The following INPP4A variants were observed in gnomAD, a reference collection of about 807,000 sequenced individuals.
The protein encoded by INPP4A is inositol polyphosphate-4-phosphatase type I A, also known as inositol polyphosphate-4-phosphatase, type I, 107kD.
In INPP4A, 33 loss-of-function variants were observed where a neutral mutation model predicts 119.8. The ratio of observed to expected loss-of-function variants is 0.28; its 90% CI spans 0.21 to 0.37. The LOEUF (loss-of-function observed/expected upper bound fraction) is 0.37. Among genes scored for constraint, INPP4A ranks in the 10% least tolerant of loss-of-function variants. The pLI is 1.00. For missense variants in INPP4A, 956 were observed against 1,289.9 expected (o/e 0.74, Z 3.97); for synonymous variants, 496 against 500.7 (o/e 0.99, Z 0.12).
In INPP4A at chr2:98,572,638, T is replaced by A. The variant is rs568190065; in HGVS notation, c.2519-177T>A. Among the ~76,000 whole-genome samples the A allele has an allele frequency of 3.3e-5, 5 of 152,250 alleles. No individual in the cohort carries two copies. In the South Asian group the frequency reaches 1.0e-3, roughly 32 times the overall value. ...CCTTTGAAGGTGGCAGTAAAAGAAA[T>A]TAAGTGCTCACCACACCAGCAGCCA... On this transcript the variant is annotated intron_variant, in intron 22 of 24. Transcript: ENST00000409851.
At chr2:98,487,184 T>C (rs927809416) in intron 1 of INPP4A, among the ~76,000 whole-genome samples, 1 of 152,244 alleles carries the variant, frequency 6.6e-6, no homozygotes, top group Non-Finnish European at 1.5e-5. Context: ...GTAACCAAAA[T>C]TGATACATTA....
rs1700336877 is a variant in INPP4A at position 98,590,664 on chromosome 2, A to G, written c.*3056A>G. 4.7e-6 allele frequency: 1 copy of G among 213,662 alleles called. No individual in the cohort carries two copies. 13.2% of individuals were successfully genotyped at this position (213,662 alleles called of 1,614,324 possible). A position where few individuals can be genotyped will look rare whatever the true frequency, so the allele number is the denominator to read the frequency against. The stretch of plus-strand genomic sequence containing the variant: ...ACTTGTATTAATATTGACCCTGTTC[A>G]TCGTCACCAGGACTGCATCTTGCAC... On this transcript the variant is annotated 3_prime_UTR_variant, in exon 25 of 25. Transcript: ENST00000409851.
chr2:98,522,154 G>A (rs1367609573), intron 4 of INPP4A, among the ~76,000 whole-genome samples: 2 of 151,910 alleles, frequency 1.3e-5, no homozygotes, highest in South Asian at 2.1e-4. Flanking sequence ...AGGCATGATG[G>A]TGCGTGCCTG....
At chr2:98,498,254 G>A (rs1471642772) in intron 1 of INPP4A, among the ~76,000 whole-genome samples, 2 of 151,982 alleles carry the variant, frequency 1.3e-5, no homozygotes, top group Non-Finnish European at 2.9e-5. Flanking sequence ...ATCATGGGGG[G>A]TGGATTCTCC....
chr2:98,578,177 C>G (rs1246772292), intron 24 of INPP4A, among the ~76,000 whole-genome samples: 1 of 152,192 alleles, frequency 6.6e-6, no homozygotes, highest in East Asian at 1.9e-4. Flanking sequence ...ACTCAAAGAC[C>G]GGTGCTCTGG....
At chr2:98,581,959 C>T (rs1699371209) in intron 24 of INPP4A, 6 of 824,664 alleles carry the variant, frequency 7.3e-6, no homozygotes, top group Admixed American at 3.4e-5. Context: ...GTTTGTTTAG[C>T]TCCTGTAGCA....
chr2:98,455,554 TC>T (rs1695995059), intron 1 of INPP4A, among the ~76,000 whole-genome samples: 1 of 152,220 alleles, frequency 6.6e-6, no homozygotes, highest in African/African-American at 2.4e-5. Context: ...AATCTCACCC[TC>T]CTCCTTTCTT....
chr2:98,563,682 G>A (rs777226265), intron 18 of INPP4A, 45 bp downstream of exon 18: 74 of 1,592,258 alleles, frequency 4.6e-5, no homozygotes, highest in Middle Eastern at 2.3e-4. Flanking sequence ...GCACCTCTCA[G>A]CTCAGAAAAG....
chr2:98,450,014 T>C (rs1694948568), intron 1 of INPP4A, among the ~76,000 whole-genome samples: 1 of 152,254 alleles, frequency 6.6e-6, no homozygotes, highest in African/African-American at 2.4e-5. Flanking sequence ...TGTTTTTCCT[T>C]ATCTTACTAG....
Position 98,565,695 on chromosome 2 carries a change from C to T in INPP4A, c.2208C>T (p.Asn736=), listed in dbSNP as rs1295279251. 1.1e-5 allele frequency: 17 copies of T among 1,613,286 alleles called. No homozygotes were observed. The highest frequency in any genetic ancestry group is 4.0e-5 in the African/African-American group (3 of 74,894). Reference sequence around the variant, plus strand: ...GCCTTGGGATCATGGACTTGAGGAACGTGACCTTCAAAGTCACTCAGGCCA... The same window carrying T: ...GCCTTGGGATCATGGACTTGAGGAATGTGACCTTCAAAGTCACTCAGGCCA... ...DMSLGIMDLR[N]VTFKVTQATS... The change falls in exon 20 of 25, where the codon AAC becomes AAT. Residue 736 remains asparagine (N), a synonymous_variant. Transcript: ENST00000409851.
chr2:98,577,603 G>T (rs1698646136), intron 24 of INPP4A, among the ~76,000 whole-genome samples: 1 of 152,250 alleles, frequency 6.6e-6, no homozygotes, highest in African/African-American at 2.4e-5. Context: ...GCATCGGTCT[G>T]CTCTGCTGCT....
chr2:98,553,828 G>T (rs1693985668), intron 14 of INPP4A, among the ~76,000 whole-genome samples: 1 of 152,234 alleles, frequency 6.6e-6, no homozygotes. Flanking sequence ...CAGCTACCCA[G>T]AACCCAGAAC....
At chr2:98,571,028 A>G (rs1697346409) in intron 22 of INPP4A, among the ~76,000 whole-genome samples, 1 of 152,194 alleles carries the variant, frequency 6.6e-6, no homozygotes, top group South Asian at 2.1e-4. Context: ...GGTGGTAAAC[A>G]TAGCATGAAG....
chr2:98,563,667 C>T, intron 18 of INPP4A, 30 bp downstream of exon 18: 1 of 1,606,924 alleles, frequency 6.2e-7, no homozygotes, highest in Non-Finnish European at 8.5e-7. Flanking sequence ...CGAGGGAGAC[C>T]ACGGGCACCT....
chr2:98,531,522 C>T (rs1574944072), intron 4 of INPP4A, among the ~76,000 whole-genome samples: 1 of 152,048 alleles, frequency 6.6e-6, no homozygotes, highest in East Asian at 1.9e-4. Context: ...CAACAATTCG[C>T]AGAACAAATA....
At chr2:98,537,386 G>A (rs1441571220) in intron 7 of INPP4A, among the ~76,000 whole-genome samples, 2 of 152,222 alleles carry the variant, frequency 1.3e-5, no homozygotes, top group East Asian at 1.9e-4. Context: ...GCTTCAGGAA[G>A]CCCTGGCTGG....
At chr2:98,509,953 G>C (rs1251706884) in intron 1 of INPP4A, among the ~76,000 whole-genome samples, 1 of 152,192 alleles carries the variant, frequency 6.6e-6, no homozygotes, top group Non-Finnish European at 1.5e-5. Flanking sequence ...TGCCTGCCTT[G>C]TTATCTGAGG....
At chr2:98,562,740 C>A (rs773955055) in intron 17 of INPP4A, among the ~76,000 whole-genome samples, 19 of 152,110 alleles carry the variant, frequency 1.2e-4, no homozygotes, top group Non-Finnish European at 2.5e-4. Flanking sequence ...AAATATCTTT[C>A]ACCCTGTTTT....
chr2:98,504,453 T>C (rs1683673782), intron 1 of INPP4A, among the ~76,000 whole-genome samples: 1 of 152,222 alleles, frequency 6.6e-6, no homozygotes, highest in Non-Finnish European at 1.5e-5. Flanking sequence ...TGTGTTTCCA[T>C]GGGACCTAGA....
Sources: gnomAD v4.1 joint callset for allele counts (sites outside exome capture counted in the v4.1 genomes callset) on GRCh38, gnomAD v4.1.1 for gene constraint, MANE v1.5 for transcripts, NCBI Gene and HGNC (gene_info 2026-07-23, HGNC 2026-07-21) for gene names.